PRKD1: variants seen among roughly 807,000 people sequenced by gnomAD.
PRKD1 encodes serine/threonine-protein kinase D1.
A neutral mutation model predicts 95.9 loss-of-function variants in PRKD1; 63 were observed. The ratio of observed to expected loss-of-function variants is 0.66; its 90% CI spans 0.54 to 0.81. The LOEUF is 0.81. Among genes scored for constraint, PRKD1 ranks in the 30% least tolerant of loss-of-function variants. The pLI, the probability that PRKD1 is intolerant of heterozygous loss-of-function variation, is 0.00. For synonymous variants in PRKD1, 425 were observed against 423.1 expected (o/e 1.00, Z -0.05); for missense variants, 1,048 against 1,165.3 (o/e 0.90, Z 1.47).
At chr14:29,795,541 T>C (rs1398286778) in intron 1 of PRKD1, among the ~76,000 whole-genome samples, 3 of 152,144 alleles carry the variant, frequency 2.0e-5, no homozygotes, top group Non-Finnish European at 4.4e-5. Context: ...AGTATTATTG[T>C]AACTTAGAGG....
chr14:29,744,937 A>C (rs1349622193), intron 1 of PRKD1, among the ~76,000 whole-genome samples: 1 of 152,166 alleles, frequency 6.6e-6, no homozygotes, highest in Non-Finnish European at 1.5e-5. Context: ...CAGAGCTCAT[A>C]GGCTCTCATC....
At chr14:29,723,139 CA>C (rs1408109739) in intron 2 of PRKD1, among the ~76,000 whole-genome samples, 1 of 151,998 alleles carries the variant, frequency 6.6e-6, no homozygotes, top group Non-Finnish European at 1.5e-5. Context: ...TGTATGTTAA[CA>C]AAACCAAGGA....
intron 1 of PRKD1, among the ~76,000 whole-genome samples, chr14:29,889,997 GAA>G (rs2139411120): frequency 6.6e-6 from 1 of 152,342 alleles, no homozygotes; most frequent in East Asian, 1.9e-4. Flanking sequence ...GAAGGGAGTA[GAA>G]AGGAACAGTG....
intron 1 of PRKD1, among the ~76,000 whole-genome samples, chr14:29,819,103 A>C (rs1171267254): frequency 1.3e-5 from 2 of 152,222 alleles, no homozygotes; most frequent in Admixed American, 1.3e-4. Flanking sequence ...AGACAACAAC[A>C]AAATGCAGTG....
chr14:29,753,502 A>G (rs1269574091), intron 1 of PRKD1, among the ~76,000 whole-genome samples: 1 of 152,084 alleles, frequency 6.6e-6, no homozygotes, highest in Admixed American at 6.6e-5. Context: ...AATTGAAACA[A>G]CACGTTTGCC....
intron 4 of PRKD1, among the ~76,000 whole-genome samples, chr14:29,661,764 A>G (rs1017971248): frequency 1.3e-5 from 2 of 152,200 alleles, no homozygotes; most frequent in East Asian, 3.9e-4. Context: ...ATTTTACACA[A>G]GGTTACGAAA....
rs570304777 is a variant in PRKD1, at chr14:29,835,148, C to T, written c.264+92101G>A. ...GTGTCATGTACTCATGCTGTGAATG[C>T]TGTTCATATACTGAAAAAAAACAAA... On this transcript the variant is annotated intron_variant, in intron 1 of 17. Coordinates refer to ENST00000331968, the MANE Select transcript of PRKD1 (RefSeq NM_002742.3). Among the ~76,000 whole-genome samples, 170 of 135,940 alleles carry T rather than the reference C, an allele frequency of 1.3e-3. 1 individual carries two copies. Among genetic ancestry groups the T allele is most frequent in the African/African-American group, 5.3e-3 (161 of 30,208 alleles). The allele number at this position is 135,940 out of a possible 152,430, so 89.2% of individuals were successfully genotyped here.
chr14:29,811,018 G>C (rs888091325), intron 1 of PRKD1, among the ~76,000 whole-genome samples: 1 of 152,162 alleles, frequency 6.6e-6, no homozygotes, highest in Admixed American at 6.5e-5. Flanking sequence ...AGCAAATATA[G>C]GATGATGCAG....
At chr14:29,639,396 G>T (rs1032645403) in intron 4 of PRKD1, among the ~76,000 whole-genome samples, 1 of 152,098 alleles carries the variant, frequency 6.6e-6, no homozygotes, top group Non-Finnish European at 1.5e-5. Flanking sequence ...AAGGCGGGTG[G>T]ATCATTTGGT....
intron 4 of PRKD1, among the ~76,000 whole-genome samples, chr14:29,662,784 T>G (rs1882253495): frequency 1.3e-5 from 2 of 151,932 alleles, no homozygotes; most frequent in South Asian, 4.1e-4. Context: ...ACCTAAATGT[T>G]TAAGTATTTT....
chr14:29,656,587 A>G (rs1881854389), intron 4 of PRKD1: 1 of 1,384,274 alleles, frequency 7.2e-7, no homozygotes, highest in African/African-American at 1.4e-5. Flanking sequence ...ATTGGATGGA[A>G]GCAAAGCACA....
chr14:29,626,709 A>G (rs949221325), intron 11 of PRKD1, among the ~76,000 whole-genome samples, 153 bp from the exon 12 acceptor site: 2 of 146,412 alleles, frequency 1.4e-5, no homozygotes, highest in African/African-American at 2.4e-5. Flanking sequence ...GTAATATTCA[A>G]AGCACACTCT....
chr14:29,817,634 A>C (rs1890745119), intron 1 of PRKD1, among the ~76,000 whole-genome samples: 1 of 152,164 alleles, frequency 6.6e-6, no homozygotes, highest in Non-Finnish European at 1.5e-5. Flanking sequence ...ACAGACGAGA[A>C]TATAGAGGAC....
At chr14:29,774,972 C>A (rs1007575753) in intron 1 of PRKD1, among the ~76,000 whole-genome samples, 1 of 151,948 alleles carries the variant, frequency 6.6e-6, no homozygotes, top group Non-Finnish European at 1.5e-5. Flanking sequence ...AGTTATAATG[C>A]CTAAAGAGAT....
intron 1 of PRKD1, among the ~76,000 whole-genome samples, chr14:29,892,533 A>G (rs1893975595): frequency 6.6e-6 from 1 of 152,100 alleles, no homozygotes; most frequent in South Asian, 2.1e-4. Flanking sequence ...AGTCTTACAC[A>G]AATTACCTTC....
At chr14:29,833,239 T>C (rs954310058) in intron 1 of PRKD1, among the ~76,000 whole-genome samples, 1 of 151,984 alleles carries the variant, frequency 6.6e-6, no homozygotes, top group South Asian at 2.1e-4. Flanking sequence ...AATGAATAAA[T>C]AGTATGTTAA....
At chr14:29,655,452 AC>A (rs1174204079) in intron 4 of PRKD1, among the ~76,000 whole-genome samples, 2 of 152,310 alleles carry the variant, frequency 1.3e-5, no homozygotes, top group African/African-American at 4.8e-5. Flanking sequence ...CCGTAACAAG[AC>A]CATCTTAGAA....
At chr14:29,830,090 A>G (rs1402966181) in intron 1 of PRKD1, among the ~76,000 whole-genome samples, 1 of 152,206 alleles carries the variant, frequency 6.6e-6, no homozygotes, top group Non-Finnish European at 1.5e-5. Flanking sequence ...AAGATTAGAA[A>G]CAGCTAATCT....
intron 1 of PRKD1, among the ~76,000 whole-genome samples, chr14:29,878,881 A>C (rs1330904196): frequency 2.0e-5 from 3 of 152,206 alleles, no homozygotes; most frequent in African/African-American, 7.2e-5. Flanking sequence ...TACACTTAAA[A>C]TGATTAAAAT....
Sources: gnomAD v4.1 joint callset for allele counts (sites outside exome capture counted in the v4.1 genomes callset) on GRCh38, gnomAD v4.1.1 for gene constraint, MANE v1.5 for transcripts, NCBI Gene and HGNC (gene_info 2026-07-23, HGNC 2026-07-21) for gene names.